The following PLCXD3 variants were observed in gnomAD, a reference collection of about 807,000 sequenced individuals.
The protein encoded by PLCXD3 is phosphatidylinositol specific phospholipase C X domain containing 3.
A neutral mutation model predicts 25.5 loss-of-function variants in PLCXD3; 19 were observed. That is an observed-to-expected ratio of 0.75 (90% CI 0.52 to 1.09). PLCXD3 has a LOEUF of 1.09. Among genes scored for constraint, PLCXD3 ranks in the 50% least tolerant of loss-of-function variants. PLCXD3 has a pLI of 0.00. For synonymous variants in PLCXD3, 174 were observed against 137.6 expected (o/e 1.26, Z -1.85); for missense variants, 411 against 388.1 (o/e 1.06, Z -0.50).
At chr5:41,426,024 C>T (rs1465809542) in intron 1 of PLCXD3, among the ~76,000 whole-genome samples, 1 of 152,146 alleles carries the variant, frequency 6.6e-6, no homozygotes, top group Non-Finnish European at 1.5e-5. Context: ...TTGGGAGAAA[C>T]TGCCCAGCTG....
At chr5:41,360,680 A>G (rs1744745634) in intron 2 of PLCXD3, among the ~76,000 whole-genome samples, 1 of 152,148 alleles carries the variant, frequency 6.6e-6, no homozygotes. Context: ...GGTACTGGCG[A>G]GTGTCTGCAA....
chr5:41,341,452 T>TCATGCAAATTTCAAAGTGC (rs1744146285), intron 2 of PLCXD3, among the ~76,000 whole-genome samples: 1 of 152,192 alleles, frequency 6.6e-6, no homozygotes, highest in African/African-American at 2.4e-5. Context: ...CTATGAATAC[T>TCATGCAAATTTCAAAGTGC]CATGCAAATT....
chr5:41,378,612 G>A lies in PLCXD3; in HGVS notation c.812+3214C>T, dbSNP rs58450600. On this transcript the variant is annotated intron_variant, in intron 2 of 2. Coordinates refer to ENST00000377801, the MANE Select transcript of PLCXD3 (RefSeq NM_001005473.3). ...AGCAGTTTTTAAAAATTAATTCCAT[G>A]TGCTGTTAATAAGTGTTATCTGAAC... 1.3e-3 allele frequency among the ~76,000 whole-genome samples: 204 copies of A among 152,204 alleles called. 1 individual carries two copies. The highest frequency in any genetic ancestry group is 4.6e-3 in the African/African-American group (193 of 41,566).
intron 2 of PLCXD3, among the ~76,000 whole-genome samples, chr5:41,321,072 C>G (rs1231841973): frequency 6.6e-6 from 1 of 152,128 alleles, no homozygotes; most frequent in Non-Finnish European, 1.5e-5. Context: ...TGCTGTTATT[C>G]AAAATAGTAC....
intron 2 of PLCXD3, among the ~76,000 whole-genome samples, chr5:41,324,285 G>A (rs1743558671): frequency 6.6e-6 from 1 of 152,166 alleles, no homozygotes; most frequent in African/African-American, 2.4e-5. Flanking sequence ...TGTGATAAAT[G>A]TGCATTTCCC....
chr5:41,420,934 T>C (rs1746805977), intron 1 of PLCXD3, among the ~76,000 whole-genome samples: 1 of 152,180 alleles, frequency 6.6e-6, no homozygotes, highest in African/African-American at 2.4e-5. Context: ...TGCTACTATT[T>C]ATTAATACTC....
chr5:41,414,825 C>A (rs963085747), intron 1 of PLCXD3, among the ~76,000 whole-genome samples: 1 of 152,198 alleles, frequency 6.6e-6, no homozygotes, highest in African/African-American at 2.4e-5. Flanking sequence ...CTACACTACC[C>A]ACTCCTTAGT....
At chr5:41,315,570 A>G (rs1439748358) in intron 2 of PLCXD3, among the ~76,000 whole-genome samples, 1 of 152,174 alleles carries the variant, frequency 6.6e-6, no homozygotes, top group African/African-American at 2.4e-5. Context: ...TACACAGCAA[A>G]AAACACCTTT....
chr5:41,503,402 T>C (rs984718461), intron 1 of PLCXD3, among the ~76,000 whole-genome samples: 3 of 152,176 alleles, frequency 2.0e-5, no homozygotes, highest in Non-Finnish European at 1.5e-5. Flanking sequence ...GCATTTAAGA[T>C]AGAGTGTTGT....
At chr5:41,334,797 C>T (rs1431466848) in intron 2 of PLCXD3, among the ~76,000 whole-genome samples, 4 of 152,058 alleles carry the variant, frequency 2.6e-5, no homozygotes, top group Non-Finnish European at 5.9e-5. Context: ...GCACTCTGTC[C>T]TCAGGCTCAT....
At chr5:41,335,304 A>G (rs1181186241) in intron 2 of PLCXD3, among the ~76,000 whole-genome samples, 1 of 152,184 alleles carries the variant, frequency 6.6e-6, no homozygotes, top group Non-Finnish European at 1.5e-5. Context: ...TATCTCAAGG[A>G]CTATCTAGGT....
At position 41,381,937 on chromosome 5, in the gene PLCXD3, G is replaced by A. The variant is rs367864638; in HGVS notation, c.701C>T (p.Thr234Ile). 2 of 1,613,302 alleles carry A rather than the reference G, an allele frequency of 1.2e-6. No homozygotes were observed. Among genetic ancestry groups the A allele is most frequent in the African/African-American group, 1.3e-5 (1 of 74,816 alleles). The change falls in exon 2 of 3, where the codon ACT (threonine) becomes ATT (isoleucine). Residue 234 changes from threonine to isoleucine, a missense_variant. Thr to Ile is a moderately conservative substitution (Grantham distance 89). Coordinates refer to ENST00000377801, the MANE Select transcript of PLCXD3 (RefSeq NM_001005473.3). ...KLIQFLQASI[T>I]ERRKKGSFFI... ...AAACGATCCCTTCTTTCTTCTCTCA[G>A]TGATGGATGCTTGAAGAAACTGGAT...
chr5:41,490,512 A>G, intron 1 of PLCXD3, among the ~76,000 whole-genome samples: 1 of 152,184 alleles, frequency 6.6e-6, no homozygotes, highest in East Asian at 1.9e-4. Context: ...AAGGAATGGT[A>G]CCAGTTCCTC....
In PLCXD3 at chr5:41,413,687, C is replaced by G. The variant is rs1263679988; in HGVS notation, c.104-31153G>C. The stretch of plus-strand genomic sequence containing the variant: ...CATAAAAGTGTTTCTATTATTATTA[C>G]TAGTTTAGGCAATGGTCATCACACT... On this transcript the variant is annotated intron_variant, in intron 1 of 2. Transcript: ENST00000377801. 2.0e-5 allele frequency among the ~76,000 whole-genome samples: 3 copies of G among 151,940 alleles called. No individual in the cohort carries two copies. The South Asian group carries it at 6.2e-4, about 32-fold the overall frequency.
intron 2 of PLCXD3, among the ~76,000 whole-genome samples, chr5:41,330,601 C>G (rs190824751): frequency 3.3e-5 from 5 of 152,232 alleles, no homozygotes; most frequent in African/African-American, 1.2e-4. Flanking sequence ...TTTATGAGGC[C>G]AGCATCATCC....
intron 1 of PLCXD3, among the ~76,000 whole-genome samples, chr5:41,436,893 G>T (rs1747267660): frequency 1.3e-5 from 2 of 152,104 alleles, no homozygotes; most frequent in Admixed American, 6.5e-5. Context: ...TATACTTTTA[G>T]ATACTTAATA....
chr5:41,446,281 C>A (rs530384497), intron 1 of PLCXD3, among the ~76,000 whole-genome samples: 7 of 150,760 alleles, frequency 4.6e-5, no homozygotes, highest in Non-Finnish European at 8.9e-5. Flanking sequence ...CTCCTTCCTA[C>A]CAGGGAATTT....
chr5:41,345,576 G>A (rs1347395140), intron 2 of PLCXD3, among the ~76,000 whole-genome samples: 10 of 152,128 alleles, frequency 6.6e-5, no homozygotes, highest in Non-Finnish European at 1.3e-4. Context: ...GCTCAGGCTA[G>A]TAGTGAATAG....
Position 41,361,783 on chromosome 5 carries a change from T to G in PLCXD3, c.812+20043A>C, listed in dbSNP as rs185572091. Among the ~76,000 whole-genome samples the G allele has an allele frequency of 2.7e-3, 410 of 152,350 alleles. 4 individuals carry two copies. Among genetic ancestry groups the G allele is most frequent in the South Asian group, 4.3e-3 (21 of 4,830 alleles). ...ACCACATTAAAATAAAAAGTCTACA[T>G]GATACAGAAGTAGTACAGTTACAAT... On this transcript the variant is annotated intron_variant, in intron 2 of 2. Coordinates refer to ENST00000377801, the MANE Select transcript of PLCXD3 (RefSeq NM_001005473.3).
Sources: allele counts gnomAD v4.1 joint callset (sites outside exome capture counted in the v4.1 genomes callset), GRCh38; gene constraint gnomAD v4.1.1; transcripts MANE v1.5; gene names NCBI Gene and HGNC (gene_info 2026-07-23, HGNC 2026-07-21).